Variants in EYS observed in about 807,000 individuals in gnomAD.
The protein encoded by EYS is EGF-like photoreceptor maintenance factor.
A neutral mutation model predicts 282.1 loss-of-function variants in EYS; 250 were observed. The observed-to-expected ratio is 0.89, with a 90% CI of 0.80 to 0.98. The LOEUF (loss-of-function observed/expected upper bound fraction) is 0.98, where lower values mean the gene tolerates loss of function less well. EYS is among the 50% of genes least tolerant of loss of function. The pLI is 0.00. For synonymous variants in EYS, 1,355 were observed against 1,282.9 expected, an observed-to-expected ratio of 1.06 and a Z score of -1.20; for missense variants, 4,016 against 3,709.0, an observed-to-expected ratio of 1.08 and a Z score of -2.15.
chr6:65,194,725 C>T (rs987204781), intron 12 of EYS, among the ~76,000 whole-genome samples: 2 of 151,912 alleles, frequency 1.3e-5, no homozygotes, highest in African/African-American at 2.4e-5. Context: ...GGGGTCCTCC[C>T]GACCCTAGAG....
intron 5 of EYS, among the ~76,000 whole-genome samples, chr6:65,408,369 G>T (rs1766843757): frequency 1.3e-5 from 2 of 151,820 alleles, no homozygotes; most frequent in African/African-American, 4.8e-5. Flanking sequence ...AGAGATTAGT[G>T]CCAGTTATCG....
chr6:64,499,023 T>C (rs1165033377), intron 26 of EYS, among the ~76,000 whole-genome samples: 1 of 152,154 alleles, frequency 6.6e-6, no homozygotes, highest in Non-Finnish European at 1.5e-5. Context: ...TCTAGATCCT[T>C]GAGGAATCGC....
intron 28 of EYS, among the ~76,000 whole-genome samples, chr6:64,397,289 A>T (rs1773412264): frequency 6.6e-6 from 1 of 152,012 alleles, no homozygotes; most frequent in South Asian, 2.1e-4. Flanking sequence ...TTTCAATTTC[A>T]ATCCGTGTAC....
At chr6:64,159,986 T>C (rs1582361820) in intron 31 of EYS, among the ~76,000 whole-genome samples, 1 of 152,222 alleles carries the variant, frequency 6.6e-6, no homozygotes, top group East Asian at 1.9e-4. Context: ...TTATTCCTTT[T>C]ACAAATAATA....
At chr6:65,345,085 T>C (rs1770343939) in intron 9 of EYS, among the ~76,000 whole-genome samples, 1 of 151,690 alleles carries the variant, frequency 6.6e-6, no homozygotes, top group Non-Finnish European at 1.5e-5. Context: ...AAATGATTCA[T>C]AAACTGACAT....
At chr6:63,938,748 T>C (rs1765146689) in intron 35 of EYS, among the ~76,000 whole-genome samples, 1 of 152,198 alleles carries the variant, frequency 6.6e-6, no homozygotes, top group Non-Finnish European at 1.5e-5. Flanking sequence ...GAGTTGGATA[T>C]ATAAAAATAT....
chr6:64,610,813 C>G (rs1401571546), intron 24 of EYS, among the ~76,000 whole-genome samples: 1 of 152,114 alleles, frequency 6.6e-6, no homozygotes, highest in African/African-American at 2.4e-5. Context: ...TTTCATTATA[C>G]ATTATACTTA....
chr6:64,213,046 G>A (rs531315745), intron 31 of EYS, among the ~76,000 whole-genome samples: 60 of 152,130 alleles, frequency 3.9e-4, no homozygotes, highest in African/African-American at 1.4e-3. Context: ...CCTTATAAGT[G>A]GGGATACATA....
intron 35 of EYS, among the ~76,000 whole-genome samples, chr6:63,937,861 A>G (rs913544117): frequency 9.8e-5 from 15 of 152,330 alleles, no homozygotes; most frequent in African/African-American, 3.1e-4. Context: ...CTCCCTGTAT[A>G]TAAGTTATAC....
At position 65,170,226 on chromosome 6, in the gene EYS, ACG is replaced by A. The variant is rs1010871743; in HGVS notation, c.2024-112501_2024-112500del. ...TACAGATGCACACACGCGCGCGTGCACGCACACACACACACACACAGAGAGAG... is the reference window on the plus strand; with the variant it reads ...TACAGATGCACACACGCGCGCGTGCACACACACACACACACACAGAGAGAG... On this transcript the variant is annotated intron_variant, in intron 12 of 42. Coordinates refer to ENST00000503581, the MANE Select transcript of EYS (RefSeq NM_001142800.2). Among the ~76,000 whole-genome samples the A allele has an allele frequency of 3.0e-4, 45 of 151,024 alleles. 1 individual carries two copies. Among genetic ancestry groups the A allele is most frequent in the African/African-American group, 1.1e-3 (44 of 41,048 alleles).
At chr6:63,836,403 A>T (rs1182919678) in intron 36 of EYS, among the ~76,000 whole-genome samples, 1 of 152,028 alleles carries the variant, frequency 6.6e-6, no homozygotes, top group East Asian at 1.9e-4. Flanking sequence ...AAGAAAAAGA[A>T]AAAAAAGATT....
intron 26 of EYS, among the ~76,000 whole-genome samples, chr6:64,507,855 A>G (rs1203450985): frequency 6.6e-6 from 1 of 152,188 alleles, no homozygotes; most frequent in Non-Finnish European, 1.5e-5. Context: ...TCAAAAAATG[A>G]CAAGCTAATA....
chr6:64,372,128 G>GTTTTTT (rs1772393641), intron 29 of EYS, among the ~76,000 whole-genome samples: 1 of 75,960 alleles, frequency 1.3e-5, no homozygotes, highest in African/African-American at 7.6e-5. Context: ...CTGTATACTT[G>GTTTTTT]TGTTTTTTTT....
intron 19 of EYS, among the ~76,000 whole-genome samples, chr6:64,883,024 A>G (rs1766970648): frequency 6.6e-6 from 1 of 151,576 alleles, no homozygotes; most frequent in African/African-American, 2.4e-5. Flanking sequence ...AGTACTTGCA[A>G]TAGGATAAAT....
At chr6:65,134,557 G>A (rs1283886487) in intron 12 of EYS, among the ~76,000 whole-genome samples, 1 of 152,000 alleles carries the variant, frequency 6.6e-6, no homozygotes, top group Non-Finnish European at 1.5e-5. Flanking sequence ...GAGAACTCTT[G>A]GCCGCAAAGA....
intron 12 of EYS, among the ~76,000 whole-genome samples, chr6:65,104,859 T>C (rs80115567): frequency 0.022 from 3,315 of 151,738 alleles, 40 homozygotes; most frequent in African/African-American, 0.028. Context: ...AATATGTGGA[T>C]TCAAATAATA....
chr6:65,121,949 A>G (rs948226013), intron 12 of EYS, among the ~76,000 whole-genome samples: 1 of 152,138 alleles, frequency 6.6e-6, no homozygotes, highest in Non-Finnish European at 1.5e-5. Context: ...CAACCTGAAA[A>G]AAAAGAACAC....
At chr6:65,024,550 T>G (rs1772342070) in intron 13 of EYS, among the ~76,000 whole-genome samples, 1 of 152,218 alleles carries the variant, frequency 6.6e-6, no homozygotes, top group Non-Finnish European at 1.5e-5. Flanking sequence ...GCGTCACGAA[T>G]GTGGTTTACT....
chr6:65,597,679 C>T (rs1197961225), intron 2 of EYS, among the ~76,000 whole-genome samples: 2 of 152,002 alleles, frequency 1.3e-5, no homozygotes, highest in Non-Finnish European at 2.9e-5. Context: ...AAGGAAGGAC[C>T]CTCCACTCAA....
Sources: gnomAD v4.1 joint callset for allele counts (sites outside exome capture counted in the v4.1 genomes callset) on GRCh38, gnomAD v4.1.1 for gene constraint, MANE v1.5 for transcripts, NCBI Gene and HGNC (gene_info 2026-07-23, HGNC 2026-07-21) for gene names.